STK3: variants seen among roughly 807,000 people sequenced by gnomAD.
The protein encoded by STK3 is serine/threonine-protein kinase 3.
Under a neutral mutation model 58.0 loss-of-function variants are expected in STK3, and 41 were observed. That is an observed-to-expected ratio of 0.71 (90% confidence interval 0.55 to 0.92). STK3 has a LOEUF of 0.92. Ranked by LOEUF, STK3 falls within the 40% of genes least tolerant of loss-of-function variation. The pLI, the probability that STK3 is intolerant of heterozygous loss-of-function variation, is 0.00. For synonymous variants in STK3, 170 were observed against 191.0 expected, an observed-to-expected ratio of 0.89 and a Z score of 0.91; for missense variants, 479 against 602.7, an observed-to-expected ratio of 0.79 and a Z score of 2.15.
chr8:98,852,064 G>A (rs756471797), intron 3 of STK3, among the ~76,000 whole-genome samples: 1 of 151,620 alleles, frequency 6.6e-6, no homozygotes, highest in Non-Finnish European at 1.5e-5. Context: ...AGAGAATGAT[G>A]TATAGCATTC....
intron 9 of STK3, among the ~76,000 whole-genome samples, chr8:98,547,344 A>G (rs1810783277): frequency 6.6e-6 from 1 of 152,210 alleles, no homozygotes; most frequent in Admixed American, 6.5e-5. Flanking sequence ...GAGAAGTGCT[A>G]GTCTGTGAAA....
At chr8:98,579,268 G>A (rs1241609502) in intron 8 of STK3, among the ~76,000 whole-genome samples, 2 of 152,158 alleles carry the variant, frequency 1.3e-5, no homozygotes, top group African/African-American at 4.8e-5. Flanking sequence ...AGTTTAATAT[G>A]CTAGGCCTTT....
At chr8:98,362,765 T>A in the STK3 span, among the ~76,000 whole-genome samples, 1 of 152,254 alleles carries the variant, frequency 6.6e-6, no homozygotes, top group Non-Finnish European at 1.5e-5. Flanking sequence ...TATCACACAG[T>A]CACAGCTAAG....
chr8:98,365,796 C>A, the STK3 span, among the ~76,000 whole-genome samples: 1 of 152,140 alleles, frequency 6.6e-6, no homozygotes, highest in Non-Finnish European at 1.5e-5. Context: ...ACATAATATT[C>A]TGCAACTTGC....
intron 1 of STK3, chr8:98,905,090 A>G: frequency 7.2e-7 from 1 of 1,388,474 alleles, no homozygotes; most frequent in Admixed American, 1.7e-5. Context: ...CATATTGTTC[A>G]TTACACTGCT....
intron 3 of STK3, among the ~76,000 whole-genome samples, chr8:98,848,501 G>A (rs1395660401): frequency 3.3e-5 from 5 of 151,966 alleles, no homozygotes; most frequent in East Asian, 1.9e-4. Context: ...CGCCTGCCTC[G>A]GCCTTTCAAA....
intron 1 of STK3, among the ~76,000 whole-genome samples, chr8:98,779,142 TA>T (rs78443144): frequency 8.8e-5 from 13 of 148,188 alleles, no homozygotes; most frequent in African/African-American, 2.0e-4. Flanking sequence ...TCTTCTCAAC[TA>T]AAAAAAAAAC....
intron 3 of STK3, among the ~76,000 whole-genome samples, chr8:98,426,296 G>A (rs1034732308): frequency 6.6e-6 from 1 of 152,156 alleles, no homozygotes; most frequent in Non-Finnish European, 1.5e-5. Context: ...TCCCCCCTGT[G>A]CCGACGCATC....
At chr8:98,638,940 T>C (rs947670754) in intron 6 of STK3, among the ~76,000 whole-genome samples, 2 of 152,264 alleles carry the variant, frequency 1.3e-5, no homozygotes, top group Middle Eastern at 3.4e-3. Flanking sequence ...AGGGCAAATA[T>C]AGTAAATATT....
At chr8:98,911,242 A>T (rs1221140310) in intron 1 of STK3, among the ~76,000 whole-genome samples, 1 of 152,200 alleles carries the variant, frequency 6.6e-6, no homozygotes, top group Admixed American at 6.5e-5. Flanking sequence ...AAAGCTCTTT[A>T]TGTATAGATA....
At chr8:98,426,817 G>A (rs1186075065) in intron 3 of STK3, among the ~76,000 whole-genome samples, 2 of 152,154 alleles carry the variant, frequency 1.3e-5, no homozygotes, top group Non-Finnish European at 2.9e-5. Context: ...GGGGAAGGGA[G>A]AGGTGTCGGC....
intron 10 of STK3, among the ~76,000 whole-genome samples, chr8:98,513,976 T>C (rs562285337): frequency 6.6e-6 from 1 of 152,272 alleles, no homozygotes; most frequent in African/African-American, 2.4e-5. Context: ...TCCAACCACA[T>C]GAACATCATA....
chr8:98,824,087 C>A (rs993638511), intron 1 of STK3, among the ~76,000 whole-genome samples: 1 of 152,112 alleles, frequency 6.6e-6, no homozygotes, highest in African/African-American at 2.4e-5. Context: ...TATGAAAATT[C>A]TATAAAAAAT....
chr8:98,476,403 A>T (rs1390255709), intron 10 of STK3, among the ~76,000 whole-genome samples: 1 of 152,178 alleles, frequency 6.6e-6, no homozygotes, highest in Admixed American at 6.5e-5. Flanking sequence ...GGACACTGAC[A>T]CGGGGTCACT....
At chr8:98,833,782 G>A (rs888316442) in intron 3 of STK3, among the ~76,000 whole-genome samples, 3 of 152,118 alleles carry the variant, frequency 2.0e-5, no homozygotes, top group Non-Finnish European at 4.4e-5. Context: ...GGCCAAAAGC[G>A]GGTCCATTTA....
Position 98,787,167 on chromosome 8 carries a change from C to CAAAAAAA in STK3, c.27-12355_27-12349dup, listed in dbSNP as rs35568354. Among the ~76,000 whole-genome samples, 11 of 22,692 alleles carry CAAAAAAA rather than the reference C, an allele frequency of 4.8e-4. 1 individual carries two copies. Among genetic ancestry groups the CAAAAAAA allele is most frequent in the East Asian group, 1.8e-3 (1 of 556 alleles). 14.9% of individuals were successfully genotyped at this position (22,692 alleles called of 152,430 possible). A position where few individuals can be genotyped will look rare whatever the true frequency, so the allele number is the denominator to read the frequency against. On this transcript the variant is annotated intron_variant, in intron 1 of 10. Coordinates refer to ENST00000419617, the MANE Select transcript of STK3 (RefSeq NM_006281.4). ...CTGGCAACAGAGCGAGACTCCACCTCAAAAAAAAAAAAAAAAAAAAAAAAA... is the reference window on the plus strand; with the variant it reads ...CTGGCAACAGAGCGAGACTCCACCTCAAAAAAAAAAAAAAAAAAAAAAAAAAAAAAAA...
downstream of STK3, among the ~76,000 whole-genome samples, chr8:98,369,312 C>T (rs1033070561): frequency 6.6e-6 from 1 of 152,192 alleles, no homozygotes; most frequent in African/African-American, 2.4e-5. Flanking sequence ...GCCTAAAACG[C>T]TACCATTAGC....
intron 8 of STK3, among the ~76,000 whole-genome samples, chr8:98,571,350 A>G (rs1812951024): frequency 6.6e-6 from 1 of 152,016 alleles, no homozygotes; most frequent in South Asian, 2.1e-4. Flanking sequence ...AAGAAGGTAG[A>G]CTTTTGAAGG....
intron 6 of STK3, among the ~76,000 whole-genome samples, chr8:98,601,108 A>T (rs1816309778): frequency 6.6e-6 from 1 of 152,102 alleles, no homozygotes; most frequent in Non-Finnish European, 1.5e-5. Flanking sequence ...TGAGAGGCTG[A>T]GGAAGGTGGA....
Sources: allele counts gnomAD v4.1 joint callset (sites outside exome capture counted in the v4.1 genomes callset), GRCh38; gene constraint gnomAD v4.1.1; transcripts MANE v1.5; gene names NCBI Gene and HGNC (gene_info 2026-07-23, HGNC 2026-07-21).